Variants in NF1 observed in about 807,000 individuals in gnomAD.
The protein encoded by NF1 is neurofibromin 1.
NF1 carries 122 observed loss-of-function variants against 325.7 expected under a neutral mutation model. The ratio of observed to expected loss-of-function variants is 0.37; its 90% CI spans 0.32 to 0.44. The LOEUF (loss-of-function observed/expected upper bound fraction) is 0.44. Ranked by LOEUF, NF1 falls within the 20% of genes least tolerant of loss-of-function variation. The pLI is 1.00. For missense variants in NF1, 2,140 were observed against 3,415.4 expected (o/e 0.63, Z 9.31); for synonymous variants, 1,091 against 1,186.0 (o/e 0.92, Z 1.65).
At chr17:31,210,180 A>C (rs771609307) in intron 12 of NF1, among the ~76,000 whole-genome samples, 9 of 152,184 alleles carry the variant, frequency 5.9e-5, no homozygotes, top group African/African-American at 2.2e-4. Flanking sequence ...GTCTGGCTTA[A>C]TCAACACTGA....
chr17:31,352,453 T>TA (rs750664859), intron 51 of NF1, 39 bp downstream of exon 51: 2 of 1,462,512 alleles, frequency 1.4e-6, no homozygotes, highest in Admixed American at 2.4e-5. Flanking sequence ...TTTTATTATT[T>TA]AAAAAAATAG....
chr17:31,357,419 T>A (rs1282165230), intron 54 of NF1, 50 bp downstream of exon 54: 1 of 1,413,700 alleles, frequency 7.1e-7, no homozygotes, highest in Admixed American at 1.7e-5. Context: ...GTCTTTAAGT[T>A]AAATGCTTAC....
intron 57 of NF1, among the ~76,000 whole-genome samples, chr17:31,368,178 C>G: frequency 6.6e-6 from 1 of 152,084 alleles, no homozygotes; most frequent in African/African-American, 2.4e-5. Context: ...TCTCTGTTGC[C>G]CAGGCTGGAG....
In NF1 at chr17:31,095,170, C is replaced by G. The variant is rs1341769784; in HGVS notation, c.-140C>G. 2 of 726,928 alleles carry G rather than the reference C, an allele frequency of 2.8e-6. No individual in the cohort carries two copies. Among genetic ancestry groups the G allele is most frequent in the Non-Finnish European group, 4.8e-6 (2 of 417,440 alleles). The allele number at this position is 726,928 out of a possible 1,614,324, so 45.0% of individuals were successfully genotyped here. On this transcript the variant is annotated 5_prime_UTR_variant, in exon 1 of 58. Transcript: ENST00000358273. The stretch of plus-strand genomic sequence containing the variant: ...CGGCGCTGACCCCCCATCCCCACCC[C>G]CGTGGGAACACTGGGAGCCTGCACT...
At chr17:31,099,687 G>A (rs1162090472) in intron 1 of NF1, among the ~76,000 whole-genome samples, 2 of 151,334 alleles carry the variant, frequency 1.3e-5, no homozygotes, top group African/African-American at 4.9e-5. Context: ...AGCCTCCCAA[G>A]TAGCTGGGAT....
chr17:31,181,525 T>G (rs1187403804), intron 6 of NF1, 36 bp downstream of exon 6: 3 of 1,603,344 alleles, frequency 1.9e-6, no homozygotes, highest in Non-Finnish European at 2.6e-6. Context: ...AAATTTTGTT[T>G]TTGATGTAAA....
intron 16 of NF1, 49 bp from the exon 17 acceptor site, chr17:31,225,046 T>C (rs2066987921): frequency 7.5e-6 from 12 of 1,600,982 alleles, no homozygotes; most frequent in Non-Finnish European, 1.0e-5. Context: ...TGTTTATTCC[T>C]CTTGGTTGTC....
At chr17:31,134,477 TTA>T (rs1316291416) in intron 1 of NF1, among the ~76,000 whole-genome samples, 40 of 151,998 alleles carry the variant, frequency 2.6e-4, no homozygotes, top group African/African-American at 7.3e-4. Context: ...TTATTTATTG[TTA>T]TGTTATAAAT....
intron 1 of NF1, among the ~76,000 whole-genome samples, chr17:31,109,260 A>G (rs1347457429): frequency 6.6e-6 from 1 of 152,134 alleles, no homozygotes; most frequent in African/African-American, 2.4e-5. Context: ...TTTCATCTGT[A>G]TCTTGGATTC....
intron 38 of NF1, among the ~76,000 whole-genome samples, chr17:31,328,149 C>T (rs913244938): frequency 2.6e-5 from 4 of 152,032 alleles, no homozygotes; most frequent in Non-Finnish European, 4.4e-5. Flanking sequence ...AATTTTTTTC[C>T]ATTTTCAGAA....
intron 35 of NF1, among the ~76,000 whole-genome samples, chr17:31,262,502 C>T (rs2067703005): frequency 6.6e-6 from 1 of 152,136 alleles, no homozygotes; most frequent in African/African-American, 2.4e-5. Context: ...TTAGTAAGTG[C>T]TCCTTCGTGT....
intron 36 of NF1, among the ~76,000 whole-genome samples, chr17:31,266,495 G>GCT (rs1288317940): frequency 6.6e-6 from 1 of 152,046 alleles, no homozygotes; most frequent in Non-Finnish European, 1.5e-5. Flanking sequence ...CCTCTCTCCA[G>GCT]CTCTCATCTC....
chr17:31,121,932 G>A (rs1350872320), intron 1 of NF1, among the ~76,000 whole-genome samples: 3 of 152,134 alleles, frequency 2.0e-5, no homozygotes, highest in African/African-American at 7.2e-5. Context: ...GGATGCAGGT[G>A]TTTCAATGGT....
intron 47 of NF1, among the ~76,000 whole-genome samples, chr17:31,342,181 G>A (rs1236299551): frequency 1.3e-5 from 2 of 152,116 alleles, no homozygotes; most frequent in Non-Finnish European, 2.9e-5. Flanking sequence ...ACTTGCCCAT[G>A]CTTGTACATC....
chr17:31,279,467 T>C (rs2068076103), intron 36 of NF1, among the ~76,000 whole-genome samples: 1 of 152,292 alleles, frequency 6.6e-6, no homozygotes, highest in East Asian at 1.9e-4. Flanking sequence ...AGTGGCTTTT[T>C]AGCGTAGACA....
At chr17:31,134,616 C>T (rs1915624221) in intron 1 of NF1, among the ~76,000 whole-genome samples, 2 of 152,346 alleles carry the variant, frequency 1.3e-5, no homozygotes, top group Non-Finnish European at 2.9e-5. Flanking sequence ...GCTGCAGTGA[C>T]AGTCTTGGCT....
At chr17:31,330,584 A>AAGTCTTCACTG in intron 39 of NF1, 86 bp downstream of exon 39, 2 of 1,035,790 alleles carry the variant, frequency 1.9e-6, no homozygotes, top group Non-Finnish European at 2.9e-6. Flanking sequence ...TTTCCAGTGA[A>AAGTCTTCACTG]GACTTTCACT....
At chr17:31,357,745 GT>G (rs1411441870) in intron 54 of NF1, 15 of 277,644 alleles carry the variant, frequency 5.4e-5, no homozygotes, top group African/African-American at 3.4e-4. Flanking sequence ...TTGACCTTCT[GT>G]TTAGGAGGTG....
At chr17:31,239,262 G>C (rs2067254033) in intron 29 of NF1, among the ~76,000 whole-genome samples, 1 of 152,168 alleles carries the variant, frequency 6.6e-6, no homozygotes, top group Non-Finnish European at 1.5e-5. Flanking sequence ...GAGAAGGCTA[G>C]AGAAAAAAGC....
Sources: gnomAD v4.1 joint callset for allele counts (sites outside exome capture counted in the v4.1 genomes callset) on GRCh38, gnomAD v4.1.1 for gene constraint, MANE v1.5 for transcripts, NCBI Gene and HGNC (gene_info 2026-07-23, HGNC 2026-07-21) for gene names.